The following P2RX6 variants were observed in gnomAD, a reference collection of about 807,000 sequenced individuals.
The protein encoded by P2RX6 is P2X purinoceptor 6.
A neutral mutation model predicts 54.2 loss-of-function variants in P2RX6; 62 were observed. The ratio of observed to expected loss-of-function variants is 1.14; its 90% CI spans 0.93 to 1.41. P2RX6 has a LOEUF of 1.41. Among genes scored for constraint, P2RX6 ranks in the 40% most tolerant of loss-of-function variants. The pLI, the probability that P2RX6 is intolerant of heterozygous loss-of-function variation, is 0.00. For missense variants in P2RX6, 541 were observed against 566.3 expected, an observed-to-expected ratio of 0.96 and a Z score of 0.45; for synonymous variants, 211 against 231.9, an observed-to-expected ratio of 0.91 and a Z score of 0.82.
At chr22:21,012,735 C>T (rs1925812598), upstream of P2RX6, 1 of 306,578 alleles carries the variant, frequency 3.3e-6, no homozygotes, top group Non-Finnish European at 6.2e-6. Flanking sequence ...ACGTCCCCCA[C>T]CTGGAAAGTA....
At chr22:21,023,718 C>A in intron 8 of P2RX6, 100 bp downstream of exon 8, 1 of 820,986 alleles carries the variant, frequency 1.2e-6, no homozygotes, top group Non-Finnish European at 2.0e-6. Flanking sequence ...TCTAGATATT[C>A]CACTACGTGT....
upstream of P2RX6, among the ~76,000 whole-genome samples, chr22:21,011,031 C>T (rs878951884): frequency 6.6e-6 from 1 of 152,116 alleles, no homozygotes; most frequent in Non-Finnish European, 1.5e-5. Flanking sequence ...AGGGGGTCCC[C>T]ATTCTTCTCT....
Position 21,019,637 on chromosome 22 carries a change from G to A in P2RX6, c.387+1577G>A, listed in dbSNP as rs1296476172. 3.3e-5 allele frequency among the ~76,000 whole-genome samples: 5 copies of A among 152,240 alleles called. No homozygotes were observed. The East Asian group carries it at 9.6e-4, about 29-fold the overall frequency. ...TGGTCGGGGAGACCTGAACCCAGCG[G>A]TGCTAAAGGAATTAAAGACAAACAC... On this transcript the variant is annotated intron_variant, in intron 3 of 11. Transcript: ENST00000413302.
intron 2 of P2RX6, among the ~76,000 whole-genome samples, chr22:21,017,199 C>CA (rs1259107184): frequency 2.6e-5 from 4 of 152,218 alleles, no homozygotes; most frequent in African/African-American, 9.7e-5. Context: ...CCTGCAGCGC[C>CA]TGCTTCTACC....
At chr22:21,020,647 G>A (rs1213701805) in intron 3 of P2RX6, among the ~76,000 whole-genome samples, 1 of 147,968 alleles carries the variant, frequency 6.8e-6, no homozygotes, top group Non-Finnish European at 1.5e-5. Flanking sequence ...CTGGAGTGCA[G>A]TGGCGTGATC....
Position 21,015,298 on chromosome 22 carries a change from C to CA in P2RX6, c.125dup (p.Arg43GlufsTer95). 3.2e-6 allele frequency: 5 copies of CA among 1,559,326 alleles called. No homozygotes were observed. Among genetic ancestry groups the CA allele is most frequent in the Non-Finnish European group, 4.3e-6 (5 of 1,160,150 alleles). On this transcript the variant is annotated frameshift_variant, in exon 1 of 12. Coordinates refer to ENST00000413302, the MANE Select transcript of P2RX6 (RefSeq NM_005446.5). LOFTEE classifies it high-confidence loss of function. ...CAGGAACTGGCGGGTGGGCGCCCTG[C>CA]AGAGGCTGCTGCAGTTTGGGATCGT...
intron 7 of P2RX6, 45 bp from the exon 8 acceptor site, chr22:21,023,464 G>T (rs758426701): frequency 6.2e-7 from 1 of 1,613,750 alleles, no homozygotes; most frequent in Non-Finnish European, 8.5e-7. Flanking sequence ...CTGGGAGAGG[G>T]TCCCGGGCCC....
rs373944966 is a variant in P2RX6 at position 21,022,988 on chromosome 22, C to G, written c.510C>G (p.Thr170=). ...TGGTGTTCAATGGGACCCACAGGACCTGTGAGATCTGGAGTTGGTGCCCCG... is the reference window on the plus strand; with the variant it reads ...TGGTGTTCAATGGGACCCACAGGACGTGTGAGATCTGGAGTTGGTGCCCCG... ...QCVVFNGTHR[T]CEIWSWCPVE... is the part of the protein sequence containing the mutation. Residue 170 remains threonine (T), a synonymous_variant, in exon 5 of 12, where the codon ACC becomes ACG. Transcript: ENST00000413302. 5 of 1,613,508 alleles carry G rather than the reference C, an allele frequency of 3.1e-6. No individual in the cohort carries two copies. The highest frequency in any genetic ancestry group is 4.2e-6 in the Non-Finnish European group (5 of 1,179,640).
At chr22:21,017,541 A>T (rs1038011698) in intron 2 of P2RX6, among the ~76,000 whole-genome samples, 1 of 152,194 alleles carries the variant, frequency 6.6e-6, no homozygotes, top group Admixed American at 6.5e-5. Flanking sequence ...TACTAGAAGC[A>T]GCAGGCTGTT....
chr22:21,020,961 G>A (rs566831963), intron 3 of P2RX6, among the ~76,000 whole-genome samples: 3 of 152,070 alleles, frequency 2.0e-5, no homozygotes, highest in Non-Finnish European at 4.4e-5. Flanking sequence ...CACAGAGGGG[G>A]CTTGGTGGGT....
At chr22:21,015,876 G>T in intron 1 of P2RX6, 66 bp from the exon 2 acceptor site, 1 of 1,483,516 alleles carries the variant, frequency 6.7e-7, no homozygotes, top group South Asian at 1.3e-5. Flanking sequence ...GAGCATGTAG[G>T]GCTCAGCTCC....
At chr22:21,024,589 C>T (rs373361215) in intron 8 of P2RX6, among the ~76,000 whole-genome samples, 39 of 143,502 alleles carry the variant, frequency 2.7e-4, no homozygotes, top group Non-Finnish European at 5.0e-4. Context: ...TTTTTTGAAA[C>T]GGAGTTTTCA....
chr22:21,018,228 A>C (rs1289365694), intron 3 of P2RX6, 168 bp downstream of exon 3: 3 of 631,188 alleles, frequency 4.8e-6, no homozygotes, highest in South Asian at 1.8e-5. Flanking sequence ...TTCAGTCTTC[A>C]CATATCCCCT....
chr22:21,012,526 C>G, upstream of P2RX6: 2 of 604,084 alleles, frequency 3.3e-6, no homozygotes, highest in South Asian at 3.2e-5. Flanking sequence ...CCAGCACCTA[C>G]CGCAGATGCT....
Position 21,026,847 on chromosome 22 carries a change from C to G in P2RX6, c.*230C>G, listed in dbSNP as rs1192369740. The G allele has an allele frequency of 1.2e-6, 1 of 819,058 alleles. No individual in the cohort carries two copies. The highest frequency in any genetic ancestry group is 1.7e-5 in the African/African-American group (1 of 57,990). The allele number at this position is 819,058 out of a possible 1,614,324, so 50.7% of individuals were successfully genotyped here. On this transcript the variant is annotated 3_prime_UTR_variant, in exon 12 of 12. Transcript: ENST00000413302. The surrounding 1 kb of genome is among the most constrained non-coding windows in gnomAD (Gnocchi z 4.0). ...CCTGACCCGTGGAGACTGGGAGAGCCCAGCAGGCACCTGTATTGCAGGGCT... is the reference window on the plus strand; with the variant it reads ...CCTGACCCGTGGAGACTGGGAGAGCGCAGCAGGCACCTGTATTGCAGGGCT...
chr22:21,016,883 C>T (rs902406720), intron 2 of P2RX6, among the ~76,000 whole-genome samples: 19 of 152,246 alleles, frequency 1.2e-4, no homozygotes, highest in Admixed American at 3.9e-4. Context: ...CTGCCCAGAG[C>T]ACAGCTGTCT....
chr22:21,026,882 T>A lies in P2RX6; in HGVS notation c.*265T>A, dbSNP rs1928550843. On this transcript the variant is annotated 3_prime_UTR_variant, in exon 12 of 12. Coordinates refer to ENST00000413302, the MANE Select transcript of P2RX6 (RefSeq NM_005446.5). The surrounding 1 kb of genome is among the most constrained non-coding windows in gnomAD (Gnocchi z 4.0). The stretch of plus-strand genomic sequence containing the variant: ...CCTGTATTGCAGGGCTCCGACTGCA[T>A]GTGGCAGGGGCTCCTGCTGCGTCTG... 4 of 596,124 alleles carry A rather than the reference T, an allele frequency of 6.7e-6. No homozygotes were observed. Among genetic ancestry groups the A allele is most frequent in the Non-Finnish European group, 1.1e-5 (4 of 355,060 alleles). 36.9% of individuals were successfully genotyped at this position (596,124 alleles called of 1,614,324 possible).
rs144890662 is a variant in P2RX6 at position 21,019,401 on chromosome 22, C to T, written c.387+1341C>T. ...CACGATCTCGGCTCACTGCAACCTCCGCCTCCTGGGTTCAAGCAGTTCTCC... is the reference window on the plus strand; with the variant it reads ...CACGATCTCGGCTCACTGCAACCTCTGCCTCCTGGGTTCAAGCAGTTCTCC... On this transcript the variant is annotated intron_variant, in intron 3 of 11. Transcript: ENST00000413302. 1.8e-3 allele frequency among the ~76,000 whole-genome samples: 279 copies of T among 152,282 alleles called. 4 individuals carry two copies. The highest frequency in any genetic ancestry group is 6.3e-3 in the African/African-American group (262 of 41,550).
upstream of P2RX6, chr22:21,012,746 C>A: frequency 3.3e-6 from 1 of 307,054 alleles, no homozygotes; most frequent in South Asian, 5.7e-5. Flanking sequence ...CTGGAAAGTA[C>A]CCCCCTTTCC....
Sources: allele counts gnomAD v4.1 joint callset (sites outside exome capture counted in the v4.1 genomes callset), GRCh38; gene constraint gnomAD v4.1.1; non-coding constraint Gnocchi (gnomAD v3.1); transcripts MANE v1.5; gene names NCBI Gene and HGNC (gene_info 2026-07-23, HGNC 2026-07-21).